The following SLC44A5 variants were observed in gnomAD, a reference collection of about 807,000 sequenced individuals.
SLC44A5 encodes the protein solute carrier family 44 member 5.
Under a neutral mutation model 101.8 loss-of-function variants are expected in SLC44A5, and 57 were observed. The ratio of observed to expected loss-of-function variants is 0.56; its 90% CI spans 0.45 to 0.70. The LOEUF (loss-of-function observed/expected upper bound fraction) is 0.70. Among genes scored for constraint, SLC44A5 ranks in the 30% least tolerant of loss-of-function variants. SLC44A5 has a pLI of 0.00. For synonymous variants in SLC44A5, 281 were observed against 290.9 expected (o/e 0.97, Z 0.35); for missense variants, 737 against 853.1 (o/e 0.86, Z 1.70).
the SLC44A5 span, among the ~76,000 whole-genome samples, chr1:75,673,746 T>A: frequency 6.6e-6 from 1 of 152,120 alleles, no homozygotes; most frequent in East Asian, 1.9e-4. Context: ...TAGGGAAAGA[T>A]AAGAGAGGAG....
chr1:75,589,922 G>A (rs1674249764), intron 1 of SLC44A5, among the ~76,000 whole-genome samples: 3 of 152,226 alleles, frequency 2.0e-5, no homozygotes, highest in Admixed American at 2.0e-4. Context: ...TGAGTGCCTG[G>A]AAACCTCACC....
chr1:75,263,648 A>G (rs1218440612), intron 6 of SLC44A5, among the ~76,000 whole-genome samples: 1 of 152,232 alleles, frequency 6.6e-6, no homozygotes, highest in Non-Finnish European at 1.5e-5. Context: ...CCAAAGGATT[A>G]TAAATCATTC....
intron 4 of SLC44A5, among the ~76,000 whole-genome samples, chr1:75,326,459 G>A (rs545825147): frequency 6.6e-6 from 1 of 151,948 alleles, no homozygotes; most frequent in African/African-American, 2.4e-5. Context: ...AGCTCTCCAA[G>A]GTTGTATGAG....
At chr1:75,230,865 C>T (rs1647491210) in intron 12 of SLC44A5, among the ~76,000 whole-genome samples, 1 of 152,188 alleles carries the variant, frequency 6.6e-6, no homozygotes, top group Non-Finnish European at 1.5e-5. Context: ...GATTGGCCGC[C>T]TCGGCCTCCC....
the SLC44A5 span, among the ~76,000 whole-genome samples, chr1:75,679,943 A>G: frequency 6.6e-6 from 1 of 152,214 alleles, no homozygotes; most frequent in Admixed American, 6.5e-5. Context: ...GGAAAACAAA[A>G]GAAGGCAGGG....
At chr1:75,537,033 A>AAAAAAAAAATATATATATATATAT (rs35829590) in intron 2 of SLC44A5, among the ~76,000 whole-genome samples, 2 of 43,026 alleles carry the variant, frequency 4.6e-5, no homozygotes, top group Non-Finnish European at 1.2e-4. Context: ...AAAAAAAAAA[A>AAAAAAAAAATATATATATATATAT]ATATATATCT....
intron 3 of SLC44A5, among the ~76,000 whole-genome samples, chr1:75,377,226 C>G (rs1454321067): frequency 1.5e-5 from 2 of 135,618 alleles, no homozygotes; most frequent in Non-Finnish European, 3.1e-5. Context: ...CCCCCAACCC[C>G]GTGCTCTCTG....
chr1:75,714,783 T>TCTC, the SLC44A5 span, among the ~76,000 whole-genome samples: 44,533 of 151,884 alleles, frequency 0.29, 6,692 homozygotes, highest in Non-Finnish European at 0.33. Flanking sequence ...TTCAAGCAAT[T>TCTC]CTGCCTCAGC....
intron 6 of SLC44A5, among the ~76,000 whole-genome samples, chr1:75,262,747 GT>G (rs1379402550): frequency 6.6e-6 from 1 of 152,188 alleles, no homozygotes; most frequent in African/African-American, 2.4e-5. Context: ...CAAGGCTACA[GT>G]AATAAAAACA....
chr1:75,588,475 G>A (rs1308326396), intron 1 of SLC44A5, among the ~76,000 whole-genome samples: 3 of 151,906 alleles, frequency 2.0e-5, no homozygotes, highest in African/African-American at 7.3e-5. Context: ...TAAGTCATGT[G>A]CCCAAAATCA....
intron 4 of SLC44A5, among the ~76,000 whole-genome samples, chr1:75,322,226 G>T (rs61798672): frequency 2.0e-5 from 3 of 152,050 alleles, no homozygotes; most frequent in Non-Finnish European, 2.9e-5. Flanking sequence ...GCAGGAGAAT[G>T]GCTTGAACCC....
intron 18 of SLC44A5, 23 bp from the exon 19 acceptor site, chr1:75,215,880 T>C: frequency 8.0e-7 from 1 of 1,255,966 alleles, no homozygotes; most frequent in Non-Finnish European, 1.2e-6. Context: ...GATATTTAAA[T>C]CTATTAATGA....
intron 9 of SLC44A5, among the ~76,000 whole-genome samples, chr1:75,240,623 T>C (rs994367627): frequency 4.6e-5 from 7 of 152,088 alleles, no homozygotes; most frequent in Admixed American, 4.6e-4. Context: ...GTAAGTGCTG[T>C]TGCTGTGGGA....
the SLC44A5 span, among the ~76,000 whole-genome samples, chr1:75,635,141 T>A: frequency 6.6e-6 from 1 of 151,424 alleles, no homozygotes; most frequent in Non-Finnish European, 1.5e-5. Context: ...ATGGCAATCA[T>A]TAAAAAGTCA....
chr1:75,372,667 A>T (rs1660306994), intron 3 of SLC44A5, among the ~76,000 whole-genome samples: 1 of 152,252 alleles, frequency 6.6e-6, no homozygotes, highest in African/African-American at 2.4e-5. Context: ...CAGAGAAGTT[A>T]TTAACAGAAA....
chr1:75,465,611 C>T (rs1666770245), intron 2 of SLC44A5, among the ~76,000 whole-genome samples: 1 of 151,616 alleles, frequency 6.6e-6, no homozygotes, highest in Admixed American at 6.6e-5. Context: ...TTTTAAAAAA[C>T]ATAAACAAAA....
At chr1:75,232,558 T>C (rs1647676368) in intron 12 of SLC44A5, among the ~76,000 whole-genome samples, 3 of 152,104 alleles carry the variant, frequency 2.0e-5, no homozygotes, top group Admixed American at 2.0e-4. Flanking sequence ...TCAGGTGGGA[T>C]GCAAGAGGAG....
intron 5 of SLC44A5, among the ~76,000 whole-genome samples, chr1:75,280,138 ATATATATATTGTATATAT>A (rs1204620940): frequency 0.011 from 147 of 13,072 alleles, 36 homozygotes; most frequent in East Asian, 0.041. Context: ...GTGTGTATAT[ATATATATATTGTATATAT>A]TATATATTGT....
At chr1:75,480,666 G>C (rs1029921162) in intron 2 of SLC44A5, among the ~76,000 whole-genome samples, 2 of 151,862 alleles carry the variant, frequency 1.3e-5, no homozygotes, top group African/African-American at 2.4e-5. Context: ...GCTTCAAAGA[G>C]AATAAAATAC....
Sources: gnomAD v4.1 joint callset for allele counts (sites outside exome capture counted in the v4.1 genomes callset) on GRCh38, gnomAD v4.1.1 for gene constraint, MANE v1.5 for transcripts, NCBI Gene and HGNC (gene_info 2026-07-23, HGNC 2026-07-21) for gene names.